Variants in EI24 observed in about 807,000 individuals in gnomAD.
EI24 encodes the protein EI24 autophagy associated transmembrane protein, also known as etoposide-induced protein 2.4 homolog.
In EI24, 21 loss-of-function variants were observed where a neutral mutation model predicts 48.6. The ratio of observed to expected loss-of-function variants is 0.43; its 90% CI spans 0.31 to 0.62. EI24 has a LOEUF of 0.62. EI24 is among the 20% of genes least tolerant of loss of function. The pLI, the probability that EI24 is intolerant of heterozygous loss-of-function variation, is 0.10. For missense variants in EI24, 280 were observed against 410.5 expected (o/e 0.68, Z 2.75); for synonymous variants, 114 against 145.5 (o/e 0.78, Z 1.56).
At chr11:125,578,479 GCTTT>G (rs892666269) in intron 6 of EI24, among the ~76,000 whole-genome samples, 3 of 133,842 alleles carry the variant, frequency 2.2e-5, no homozygotes, top group Non-Finnish European at 3.2e-5. Flanking sequence ...TTTCGTTTTG[GCTTT>G]TTTTTTTTTT....
rs1939132706 is a variant in EI24 at position 125,584,227 on chromosome 11, TGCAAAAAAAAAAAAAAAAA to T, written c.*545_*563del. 2.6e-5 allele frequency: 1 copy of T among 39,120 alleles called. No individual in the cohort carries two copies. The highest frequency in any genetic ancestry group is 1.2e-4 in the African/African-American group (1 of 8,050). The allele number at this position is 39,120 out of a possible 1,614,324, so 2.4% of individuals were successfully genotyped here. On this transcript the variant is annotated 3_prime_UTR_variant, in exon 11 of 11. Transcript: ENST00000278903. ...TAGGTTTTGGTCTCTCTTGCTCCACTGCAAAAAAAAAAAAAAAAAAAAAAAAAAAAAAAAAGCCTGAAGA... is the reference window on the plus strand; with the variant it reads ...TAGGTTTTGGTCTCTCTTGCTCCACTAAAAAAAAAAAAAAAAGCCTGAAGA...
At chr11:125,580,552 T>C (rs890715691) in intron 8 of EI24, among the ~76,000 whole-genome samples, 1 of 152,222 alleles carries the variant, frequency 6.6e-6, no homozygotes, top group African/African-American at 2.4e-5. Flanking sequence ...TTCAGATATT[T>C]ACCAGGGTGT....
At chr11:125,570,263 T>C (rs1591350789) in intron 1 of EI24, 1 of 152,218 alleles carries the variant, frequency 6.6e-6, no homozygotes, top group Non-Finnish European at 1.5e-5. Flanking sequence ...GGCAAGTCAT[T>C]TAACTTCTGA....
At chr11:125,572,792 C>T (rs1034161100) in intron 2 of EI24, among the ~76,000 whole-genome samples, 2 of 150,200 alleles carry the variant, frequency 1.3e-5, no homozygotes, top group African/African-American at 4.9e-5. Context: ...GTGGATGTCT[C>T]CAGTATTGGG....
Position 125,572,580 on chromosome 11 carries a change from C to T in EI24, c.42+11C>T, listed in dbSNP as rs1473234080. 6.2e-7 allele frequency: 1 copy of T among 1,609,986 alleles called. No individual in the cohort carries two copies. Among genetic ancestry groups the T allele is most frequent in the Non-Finnish European group, 8.5e-7 (1 of 1,178,106 alleles). ...CAGGACCTTGCCAGAGTGAGTACATCTTGTTTATAGGAATTCATCTCTCGG... is the reference window on the plus strand; with the variant it reads ...CAGGACCTTGCCAGAGTGAGTACATTTTGTTTATAGGAATTCATCTCTCGG... On this transcript the variant is annotated intron_variant, in intron 2 of 10. Coordinates refer to ENST00000278903, the MANE Select transcript of EI24 (RefSeq NM_004879.5).
intron 8 of EI24, 59 bp from the exon 9 acceptor site, chr11:125,581,148 GTTAC>G (rs1216617203): frequency 7.6e-6 from 7 of 921,300 alleles, no homozygotes; most frequent in African/African-American, 1.6e-5. Context: ...GTCTACCATA[GTTAC>G]TTAGTCACTT....
At chr11:125,577,217 C>T (rs1938784743) in intron 4 of EI24, among the ~76,000 whole-genome samples, 1 of 152,080 alleles carries the variant, frequency 6.6e-6, no homozygotes. Context: ...TCAGCCTTCC[C>T]AGTAGCTGGG....
chr11:125,576,462 C>T, intron 4 of EI24, 147 bp downstream of exon 4: 2 of 753,162 alleles, frequency 2.7e-6, no homozygotes, highest in Non-Finnish European at 4.4e-6. Flanking sequence ...GTCTGTGCAT[C>T]TGCAGAGATT....
rs746287965 is a variant in EI24, at chr11:125,577,597, G to A, written c.316+27G>A. 2.8e-5 allele frequency: 45 copies of A among 1,589,730 alleles called. No individual in the cohort carries two copies. In the South Asian group the frequency reaches 4.6e-4, roughly 16 times the overall value. On this transcript the variant is annotated intron_variant, in intron 5 of 10. Coordinates refer to ENST00000278903, the MANE Select transcript of EI24 (RefSeq NM_004879.5). ...TAAGTGTATACCCTGCTCCTTGTCT[G>A]TTGGGGACAGAGTGGGAGATGATGT... is the stretch of plus-strand genomic sequence containing the variant.
chr11:125,577,896 C>T, intron 5 of EI24: 2 of 590,338 alleles, frequency 3.4e-6, no homozygotes, highest in Non-Finnish European at 3.0e-6. Flanking sequence ...TCGTTACCAT[C>T]ATGTAAGCAG....
chr11:125,579,117 CTG>C, intron 7 of EI24, 49 bp downstream of exon 7: 2 of 1,529,012 alleles, frequency 1.3e-6, no homozygotes, highest in Non-Finnish European at 1.8e-6. Context: ...AAAAGAAAAA[CTG>C]TTTCACTAGA....
chr11:125,584,252 A>G lies in EI24; in HGVS notation c.*569A>G, dbSNP rs1317035122. 5 of 150,236 alleles carry G rather than the reference A, an allele frequency of 3.3e-5. No homozygotes were observed. Among genetic ancestry groups the G allele is most frequent in the Non-Finnish European group, 7.4e-5 (5 of 67,498 alleles). 9.3% of individuals were successfully genotyped at this position (150,236 alleles called of 1,614,324 possible). ...TGCAAAAAAAAAAAAAAAAAAAAAA[A>G]AAAAAAAAAAGCCTGAAGAGATGAG... On this transcript the variant is annotated 3_prime_UTR_variant, in exon 11 of 11. Coordinates refer to ENST00000278903, the MANE Select transcript of EI24 (RefSeq NM_004879.5).
In EI24 at chr11:125,583,542, C is replaced by G; in HGVS notation, c.882C>G (p.Phe294Leu). 1 of 1,599,248 alleles carries G rather than the reference C, an allele frequency of 6.3e-7. No homozygotes were observed. The highest frequency in any genetic ancestry group is 8.5e-7 in the Non-Finnish European group (1 of 1,171,754). ...GKAYLFQLRL[F>L]SLVVFLSNRL... ...TTAGTCTCTTCCAGTTGCGCCTCTTCTCCTTGGTGGTCTTCTTAAGCAACA... is the reference window on the plus strand; with the variant it reads ...TTAGTCTCTTCCAGTTGCGCCTCTTGTCCTTGGTGGTCTTCTTAAGCAACA... The change falls in exon 11 of 11, where the codon TTC (phenylalanine) becomes TTG (leucine). Residue 294 changes from phenylalanine to leucine, a missense_variant. Coordinates refer to ENST00000278903, the MANE Select transcript of EI24 (RefSeq NM_004879.5).
intron 1 of EI24, among the ~76,000 whole-genome samples, chr11:125,572,173 A>G (rs1938557571): frequency 6.6e-6 from 1 of 152,210 alleles, no homozygotes; most frequent in South Asian, 2.1e-4. Context: ...AGAGGAGGTT[A>G]CTGGTCAAGA....
intron 10 of EI24, 109 bp downstream of exon 10, chr11:125,582,529 C>A: frequency 1.2e-6 from 1 of 849,576 alleles, no homozygotes; most frequent in Non-Finnish European, 1.8e-6. Context: ...GTAGGAAAAT[C>A]TTAATATAAG....
intron 8 of EI24, 163 bp from the exon 9 acceptor site, chr11:125,581,048 G>A (rs962011083): frequency 4.4e-5 from 8 of 183,674 alleles, no homozygotes; most frequent in African/African-American, 1.2e-4. Context: ...CCGCACTCCC[G>A]CCTGGGCATC....
At chr11:125,582,279 A>G (rs2135875114) in intron 9 of EI24, 67 bp from the exon 10 acceptor site, 2 of 1,381,556 alleles carry the variant, frequency 1.4e-6, no homozygotes, top group Non-Finnish European at 1.9e-6. Flanking sequence ...GGAGCTTCTA[A>G]TATCTTCTTC....
chr11:125,583,109 T>C (rs1939082504), intron 10 of EI24, among the ~76,000 whole-genome samples: 1 of 150,540 alleles, frequency 6.6e-6, no homozygotes, highest in Admixed American at 6.6e-5. Context: ...AATGCATTCT[T>C]TTTTTTTTTG....
rs1591362938 is a variant in EI24, at chr11:125,583,780, C to G, written c.*97C>G. The G allele has an allele frequency of 1.3e-6, 2 of 1,514,440 alleles. No homozygotes were observed. The highest frequency in any genetic ancestry group is 1.4e-5 in the African/African-American group (1 of 72,572). 93.8% of individuals were successfully genotyped at this position (1,514,440 alleles called of 1,614,324 possible). ...CGCCTGCCAGGGAAGGCAGGACCCG[C>G]TCTGCCAAGGGCCCTCTGCGTATTC... On this transcript the variant is annotated 3_prime_UTR_variant, in exon 11 of 11. Transcript: ENST00000278903.
Sources: allele counts gnomAD v4.1 joint callset (sites outside exome capture counted in the v4.1 genomes callset), GRCh38; gene constraint gnomAD v4.1.1; transcripts MANE v1.5; gene names NCBI Gene and HGNC (gene_info 2026-07-23, HGNC 2026-07-21).